UNC13B: variants seen among roughly 807,000 people sequenced by gnomAD.
The protein encoded by UNC13B is protein unc-13 homolog B.
UNC13B carries 144 observed loss-of-function variants against 211.0 expected under a neutral mutation model. The observed-to-expected ratio is 0.68, with a 90% CI of 0.60 to 0.78. The LOEUF is 0.78. Among genes scored for constraint, UNC13B ranks in the 30% least tolerant of loss-of-function variants. The probability of loss-of-function intolerance (pLI) is 0.00; values close to 1 mark genes in which losing one functional copy is unlikely to be tolerated. For missense variants in UNC13B, 1,777 were observed against 2,002.0 expected (o/e 0.89, Z 2.14); for synonymous variants, 709 against 725.8 (o/e 0.98, Z 0.37).
intron 1 of UNC13B, among the ~76,000 whole-genome samples, chr9:35,179,237 A>G (rs1319010369): frequency 3.9e-5 from 6 of 152,356 alleles, no homozygotes; most frequent in African/African-American, 1.4e-4. Context: ...GCTGTGAATC[A>G]GAGTCTCACT....
At chr9:35,207,545 G>T (rs12553555) in intron 1 of UNC13B, among the ~76,000 whole-genome samples, 1 of 151,016 alleles carries the variant, frequency 6.6e-6, no homozygotes, top group East Asian at 1.9e-4. Context: ...GTGTTACCCA[G>T]GCTAGTCACG....
intron 21 of UNC13B, among the ~76,000 whole-genome samples, 178 bp from the exon 22 acceptor site, chr9:35,384,068 C>T (rs1835024526): frequency 6.6e-6 from 1 of 152,176 alleles, no homozygotes; most frequent in African/African-American, 2.4e-5. Flanking sequence ...CAGGGACTTT[C>T]TATCTCATTT....
In UNC13B at chr9:35,403,849, T is replaced by G. The variant is rs780765965; in HGVS notation, c.12839T>G (p.Met4280Arg). 1.2e-6 allele frequency: 2 copies of G among 1,614,160 alleles called. No individual in the cohort carries two copies. Residue 4280 changes from methionine to arginine, a missense_variant, in exon 40 of 40, where the codon ATG (methionine) becomes AGG (arginine). Transcript: ENST00000635942. Reference sequence around the variant, plus strand: ...GATCGCGTGCTAGGGCTGGCTGTGATGCCTCTGAGGGATGTCACAGCCAAG... The same window carrying G: ...GATCGCGTGCTAGGGCTGGCTGTGAGGCCTCTGAGGGATGTCACAGCCAAG... ...REDRVLGLAV[M>R]PLRDVTAKGS... is the part of the protein sequence containing the mutation.
chr9:35,381,787 C>T (rs1834858701), intron 20 of UNC13B, 68 bp downstream of exon 20: 3 of 1,572,174 alleles, frequency 1.9e-6, no homozygotes, highest in Non-Finnish European at 2.6e-6. Context: ...GGCACACTGA[C>T]ATGGTGGGCA....
intron 1 of UNC13B, among the ~76,000 whole-genome samples, chr9:35,200,666 G>A (rs1564063316): frequency 6.6e-6 from 1 of 152,120 alleles, no homozygotes; most frequent in Non-Finnish European, 1.5e-5. Flanking sequence ...GAATGCTTGT[G>A]ATTTTTGCAC....
intron 37 of UNC13B, among the ~76,000 whole-genome samples, chr9:35,402,615 T>A (rs1035728112): frequency 2.0e-5 from 3 of 152,046 alleles, no homozygotes; most frequent in Non-Finnish European, 2.9e-5. Flanking sequence ...GGGTCTCTGC[T>A]AAGGGGAGCC....
At chr9:35,322,903 C>T (rs908582034) in intron 11 of UNC13B, among the ~76,000 whole-genome samples, 8 of 151,974 alleles carry the variant, frequency 5.3e-5, no homozygotes, top group African/African-American at 1.5e-4. Flanking sequence ...AACTTTTCAT[C>T]CCTCTCCCTA....
chr9:35,355,036 C>T (rs546627722), intron 11 of UNC13B, among the ~76,000 whole-genome samples: 375 of 152,178 alleles, frequency 2.5e-3, no homozygotes, highest in Non-Finnish European at 4.5e-3. Context: ...ATTATTGGCA[C>T]GTCCAAACAA....
intron 7 of UNC13B, among the ~76,000 whole-genome samples, chr9:35,259,325 C>A (rs184790949): frequency 6.6e-6 from 1 of 152,042 alleles, no homozygotes; most frequent in Admixed American, 6.6e-5. Context: ...CCCCCTCTAT[C>A]CCTGTTTACC....
At chr9:35,403,140 G>C in intron 37 of UNC13B, 27 bp from the exon 38 acceptor site, 1 of 1,606,880 alleles carries the variant, frequency 6.2e-7, no homozygotes, top group Non-Finnish European at 8.5e-7. Flanking sequence ...TCTCCAATGG[G>C]GAATCATCTC....
chr9:35,233,723 T>G (rs1825339006), intron 3 of UNC13B, among the ~76,000 whole-genome samples: 1 of 152,206 alleles, frequency 6.6e-6, no homozygotes, highest in Non-Finnish European at 1.5e-5. Context: ...AGGATTAGAT[T>G]GTTCATTTCT....
At chr9:35,237,554 G>T (rs1444302999) in intron 4 of UNC13B, 149 bp from the exon 5 acceptor site, 2 of 899,550 alleles carry the variant, frequency 2.2e-6, no homozygotes, top group Non-Finnish European at 3.4e-6. Context: ...TGCAGTGGAG[G>T]CAGGTGGTGA....
In UNC13B at chr9:35,303,341, C is replaced by G. The variant is rs1487663327; in HGVS notation, c.3937C>G (p.Pro1313Ala). 1 of 398,486 alleles carries G rather than the reference C, an allele frequency of 2.5e-6. No homozygotes were observed. The highest frequency in any genetic ancestry group is 4.4e-6 in the Non-Finnish European group (1 of 225,802). The allele number at this position is 398,486 out of a possible 1,614,324, so 24.7% of individuals were successfully genotyped here. A position where few individuals can be genotyped will look rare whatever the true frequency, so the allele number is the denominator to read the frequency against. ...GAAATCTATGGCTAAGAGGCAAATG[C>G]CAAACCATGTTCTTGAGGCAAAACT... ...LEKSMAKRQM[P>A]NHVLEAKLHE... Residue 1313 changes from proline to alanine, a missense_variant, in exon 9 of 40, where the codon CCA (proline) becomes GCA (alanine). Pro to Ala is a conservative substitution (Grantham distance 27). Transcript: ENST00000635942.
intron 13 of UNC13B, among the ~76,000 whole-genome samples, chr9:35,371,731 C>T (rs969919712): frequency 1.3e-5 from 2 of 152,098 alleles, no homozygotes; most frequent in Admixed American, 6.5e-5. Flanking sequence ...GCATAATACT[C>T]CTTAGAGTAG....
chr9:35,355,926 T>G (rs778633555), intron 11 of UNC13B, among the ~76,000 whole-genome samples: 2 of 152,262 alleles, frequency 1.3e-5, no homozygotes, highest in Non-Finnish European at 2.9e-5. Context: ...AGGACACTTG[T>G]GTCTAACTCT....
rs147296328 is a variant in UNC13B, at chr9:35,245,755, G to A, written c.468+2391G>A. 5.5e-3 allele frequency among the ~76,000 whole-genome samples: 832 copies of A among 152,032 alleles called. 7 individuals are homozygous for A. Among genetic ancestry groups the A allele is most frequent in the Non-Finnish European group, 8.4e-3 (571 of 67,974 alleles). Reference sequence around the variant, plus strand: ...TTTCTTAATCCAGTCTATCATTGTTGGACATTTGGGTTGGTTCCAGGTCTT... The same window carrying A: ...TTTCTTAATCCAGTCTATCATTGTTAGACATTTGGGTTGGTTCCAGGTCTT... On this transcript the variant is annotated intron_variant, in intron 6 of 39. Coordinates refer to ENST00000635942, the MANE Select transcript of UNC13B (RefSeq NM_001371189.2).
At position 35,303,981 on chromosome 9, in the gene UNC13B, A is replaced by T; in HGVS notation, c.4577A>T (p.Asp1526Val). Residue 1526 changes from aspartate to valine, a missense_variant, in exon 9 of 40, where the codon GAT (aspartate) becomes GTT (valine). Transcript: ENST00000635942. ...CATGGAGTGTGGTGGCCATCAGAGG[A>T]TGGGGATTATGGATATTATATGTTT... ...LEHGVWWPSE[D>V]GDYGYYMFHD... The T allele has an allele frequency of 2.5e-6, 1 of 398,660 alleles. No homozygotes were observed. Among genetic ancestry groups the T allele is most frequent in the Non-Finnish European group, 4.4e-6 (1 of 225,840 alleles). 24.7% of individuals were successfully genotyped at this position (398,660 alleles called of 1,614,324 possible).
chr9:35,233,213 T>C (rs1006576515), intron 3 of UNC13B, among the ~76,000 whole-genome samples: 1 of 152,218 alleles, frequency 6.6e-6, no homozygotes, highest in South Asian at 2.1e-4. Context: ...AACCTAGCAC[T>C]TCCAGTTGGC....
intron 24 of UNC13B, among the ~76,000 whole-genome samples, chr9:35,389,515 G>A (rs1005406409): frequency 1.3e-5 from 2 of 152,292 alleles, no homozygotes; most frequent in South Asian, 4.2e-4. Flanking sequence ...ATTTAGTAAG[G>A]CTGGAGGGGC....
Sources: allele counts gnomAD v4.1 joint callset (sites outside exome capture counted in the v4.1 genomes callset), GRCh38; gene constraint gnomAD v4.1.1; transcripts MANE v1.5; gene names NCBI Gene and HGNC (gene_info 2026-07-23, HGNC 2026-07-21).